Variants in ADAM8 observed in about 807,000 individuals in gnomAD.
ADAM8 encodes disintegrin and metalloproteinase domain-containing protein 8.
ADAM8 carries 104 observed loss-of-function variants against 102.4 expected under a neutral mutation model. The ratio of observed to expected loss-of-function variants is 1.02; its 90% CI spans 0.87 to 1.20. ADAM8 has a LOEUF of 1.20. ADAM8 is among the 50% of genes most tolerant of loss of function. The pLI is 0.00. For missense variants in ADAM8, 1,132 were observed against 1,159.0 expected (o/e 0.98, Z 0.34); for synonymous variants, 517 against 485.2 (o/e 1.07, Z -0.86).
intron 19 of ADAM8, among the ~76,000 whole-genome samples, 161 bp downstream of exon 19, chr10:133,268,587 C>T (rs763421095): frequency 3.8e-4 from 58 of 152,344 alleles, no homozygotes; most frequent in Non-Finnish European, 7.1e-4. Context: ...CAGGAAGGCC[C>T]TTCAAACTCA....
intron 22 of ADAM8, 131 bp downstream of exon 22, chr10:133,263,557 G>T: frequency 2.7e-6 from 2 of 731,092 alleles, no homozygotes; most frequent in Non-Finnish European, 4.2e-6. Flanking sequence ...TTTTCTTTCA[G>T]TCACCCAAGT....
chr10:133,273,215 C>G, intron 6 of ADAM8, 39 bp downstream of exon 6: 1 of 1,590,162 alleles, frequency 6.3e-7, no homozygotes, highest in African/African-American at 1.3e-5. Context: ...AAGTGGACAC[C>G]GGCAGGGCCA....
chr10:133,276,690 G>A (rs1564929713), intron 1 of ADAM8, 82 bp downstream of exon 1: 3 of 1,500,022 alleles, frequency 2.0e-6, no homozygotes, highest in Non-Finnish European at 2.7e-6. Flanking sequence ...GCAGGCCAGG[G>A]GCTCGGGGTC....
At position 133,269,483 on chromosome 10, in the gene ADAM8, G is replaced by A. The variant is rs375767499; in HGVS notation, c.1910C>T (p.Pro637Leu). 3.3e-5 allele frequency: 53 copies of A among 1,600,212 alleles called. 1 individual carries two copies. The highest frequency in any genetic ancestry group is 3.1e-4 in the South Asian group (28 of 90,418). ...AGTCAGCAGCTTCGCGCAGTGGGGC[G>A]GGGCCCAGCCCGCGTGGCAGTGGCA... is the stretch of plus-strand genomic sequence containing the variant. ...QECHCHAGWA[P>L]PHCAKLLTEV... Residue 637 changes from proline (P) to leucine (L), a missense_variant, in exon 18 of 23, where the codon CCG (proline) becomes CTG (leucine). Coordinates refer to ENST00000445355, the MANE Select transcript of ADAM8 (RefSeq NM_001109.5).
chr10:133,268,652 G>A, intron 19 of ADAM8, 96 bp downstream of exon 19: 1 of 1,333,330 alleles, frequency 7.5e-7, no homozygotes, highest in Non-Finnish European at 1.0e-6. Flanking sequence ...GGGTGTCCGT[G>A]CCGTCCACCA....
chr10:133,268,344 G>T (rs941543734), intron 19 of ADAM8, among the ~76,000 whole-genome samples: 2 of 152,222 alleles, frequency 1.3e-5, no homozygotes, highest in South Asian at 4.1e-4. Context: ...ATGCTTGGAG[G>T]CTGTGGGGCC....
chr10:133,269,591 G>C, intron 17 of ADAM8, 62 bp from the exon 18 acceptor site: 1 of 1,452,372 alleles, frequency 6.9e-7, no homozygotes, highest in East Asian at 2.4e-5. Flanking sequence ...CGTGGGGGCC[G>C]TGCCTCCAGC....
At chr10:133,275,219 T>C (rs1446558435) in intron 2 of ADAM8, among the ~76,000 whole-genome samples, 1 of 152,108 alleles carries the variant, frequency 6.6e-6, no homozygotes, top group Admixed American at 6.5e-5. Flanking sequence ...CCTCGCCAAG[T>C]GAAACTGGGG....
chr10:133,273,671 C>T, intron 5 of ADAM8, 91 bp downstream of exon 5: 1 of 1,426,366 alleles, frequency 7.0e-7, no homozygotes, highest in Non-Finnish European at 9.5e-7. Flanking sequence ...GAGGAGGAGG[C>T]ACCCTCCCTG....
At chr10:133,265,477 A>G (rs988704479) in intron 21 of ADAM8, among the ~76,000 whole-genome samples, 2 of 152,222 alleles carry the variant, frequency 1.3e-5, no homozygotes, top group Admixed American at 1.3e-4. Flanking sequence ...AAAAAGTTAA[A>G]AAGGAAAGAG....
chr10:133,268,710 C>T, intron 19 of ADAM8, 38 bp downstream of exon 19: 1 of 1,582,024 alleles, frequency 6.3e-7, no homozygotes. Flanking sequence ...GCACGGGAAG[C>T]ACTCGCCACC....
rs751585262 is a variant in ADAM8 at position 133,273,958 on chromosome 10, C to T, written c.299G>A (p.Arg100His). The T allele has an allele frequency of 5.2e-5, 83 of 1,601,270 alleles. No individual in the cohort carries two copies. Among genetic ancestry groups the T allele is most frequent in the African/African-American group, 2.1e-4 (16 of 74,814 alleles). Residue 100 changes from arginine (R) to histidine (H), a missense_variant, in exon 4 of 23, where the codon CGC becomes CAC. By Grantham distance (29) the Arg-to-His change is conservative. Coordinates refer to ENST00000445355, the MANE Select transcript of ADAM8 (RefSeq NM_001109.5). ...ANGSEVTEQPRGQDHCFYQGH... is the reference protein window; with the variant it reads ...ANGSEVTEQPHGQDHCFYQGH... ...GCTCCGCCCGACCCATACCTGCCCG[C>T]GAGGCTGCTCCGTCACCTCGGAGCC... is the stretch of plus-strand genomic sequence containing the variant.
intron 1 of ADAM8, 27 bp from the exon 2 acceptor site, chr10:133,275,614 G>A (rs1846724742): frequency 1.5e-6 from 2 of 1,316,648 alleles, no homozygotes; most frequent in Non-Finnish European, 2.0e-6. Flanking sequence ...CAGCAGGCAT[G>A]AGGGGCCGGG....
At chr10:133,272,930 C>T (rs370661333) in intron 7 of ADAM8, 27 bp downstream of exon 7, 2 of 1,612,554 alleles carry the variant, frequency 1.2e-6, no homozygotes, top group Non-Finnish European at 1.7e-6. Flanking sequence ...GCCGGCTGCT[C>T]TCCCACCTTC....
intron 21 of ADAM8, chr10:133,264,008 A>G (rs1266088302): frequency 2.9e-6 from 1 of 341,556 alleles, no homozygotes; most frequent in Non-Finnish European, 5.3e-6. Context: ...TACACCATCC[A>G]CATCCCCTAA....
At position 133,270,505 on chromosome 10, in the gene ADAM8, T is replaced by A. The variant is rs1326384480; in HGVS notation, c.1640A>T (p.Asp547Val). Residue 547 changes from aspartate to valine, a missense_variant, in exon 16 of 23, where the codon GAC (aspartate) becomes GTC (valine). Coordinates refer to ENST00000445355, the MANE Select transcript of ADAM8 (RefSeq NM_001109.5). The stretch of plus-strand genomic sequence containing the variant: ...CTTGCACTGCAGAACGCCACACATG[T>A]CAGCCCTGTGGATGGACGGCAGGTC... ...PGCKASRYRA[D>V]MCGVLQCKGG... is the part of the protein sequence containing the mutation. 2.5e-6 allele frequency: 4 copies of A among 1,588,022 alleles called. No individual in the cohort carries two copies. The African/African-American group carries it at 5.4e-5, about 21-fold the overall frequency.
intron 18 of ADAM8, chr10:133,269,233 G>A (rs757197428): frequency 8.3e-6 from 8 of 961,444 alleles, no homozygotes; most frequent in Admixed American, 6.2e-5. Context: ...CCCTGCCCTC[G>A]GCCACTGCCT....
At position 133,264,315 on chromosome 10, in the gene ADAM8, C is replaced by A. The variant is rs1846256792; in HGVS notation, c.2320-550G>T. Among the ~76,000 whole-genome samples, 2 of 152,218 alleles carry A rather than the reference C, an allele frequency of 1.3e-5. 1 individual carries two copies. The highest frequency in any genetic ancestry group is 4.8e-5 in the African/African-American group (2 of 41,458). On this transcript the variant is annotated intron_variant, in intron 21 of 22. Transcript: ENST00000445355. ...GGCTCAAGTGATCCTCCCGCCCCAGCCTCCCAAAGTGCTGGGATTACAGGC... is the reference window on the plus strand; with the variant it reads ...GGCTCAAGTGATCCTCCCGCCCCAGACTCCCAAAGTGCTGGGATTACAGGC...
In ADAM8 at chr10:133,262,706, G is replaced by A. The variant is rs894616793; in HGVS notation, c.*450C>T. ...ACACCCTCTCGAAGAGCACGCAGGG[G>A]AACCTGGTCCTGGGATGGAGTCTTT... is the stretch of plus-strand genomic sequence containing the variant. On this transcript the variant is annotated 3_prime_UTR_variant, in exon 23 of 23. Transcript: ENST00000445355. The A allele has an allele frequency of 3.0e-5, 5 of 164,458 alleles. No individual in the cohort carries two copies. Among genetic ancestry groups the A allele is most frequent in the African/African-American group, 9.6e-5 (4 of 41,738 alleles). The allele number at this position is 164,458 out of a possible 1,614,324, so 10.2% of individuals were successfully genotyped here. A position where few individuals can be genotyped will look rare whatever the true frequency, so the allele number is the denominator to read the frequency against.
Sources: allele counts gnomAD v4.1 joint callset (sites outside exome capture counted in the v4.1 genomes callset), GRCh38; gene constraint gnomAD v4.1.1; transcripts MANE v1.5; gene names NCBI Gene and HGNC (gene_info 2026-07-23, HGNC 2026-07-21).